OTC: variants seen among roughly 807,000 people sequenced by gnomAD.
OTC encodes ornithine transcarbamylase.
OTC carries 3 observed loss-of-function variants against 30.3 expected under a neutral mutation model. The observed-to-expected ratio is 0.10, with a 90% CI of 0.05 to 0.26. The LOEUF is 0.26. Among genes scored for constraint, OTC ranks in the 10% least tolerant of loss-of-function variants. The pLI, the probability that OTC is intolerant of heterozygous loss-of-function variation, is 1.00. For missense variants in OTC, 194 were observed against 260.3 expected, an observed-to-expected ratio of 0.75 and a Z score of 1.75; for synonymous variants, 111 against 99.7, an observed-to-expected ratio of 1.11 and a Z score of -0.67.
chrX:38,405,119 A>C (rs2068509568), intron 6 of OTC, among the ~76,000 whole-genome samples: 1 of 111,165 alleles, frequency 9.0e-6, no homozygotes, highest in Non-Finnish European at 1.9e-5. Flanking sequence ...GGAAGGGAGC[A>C]GAAGCCATGA....
intron 2 of OTC, among the ~76,000 whole-genome samples, chrX:38,368,963 A>T (rs2068310508): frequency 9.3e-6 from 1 of 108,074 alleles, no homozygotes; most frequent in Non-Finnish European, 1.9e-5. Context: ...CCACATTCAG[A>T]CTCTCCAGAT....
Position 38,411,884 on chromosome X carries a change from A to G in OTC, c.890A>G (p.Asp297Gly). Residue 297 changes from aspartate to glycine, a missense_variant, in exon 9 of 10, where the codon GAC becomes GGC. Transcript: ENST00000039007. ...TAGACTGCTAAAGTTGCTGCCTCTGACTGGACATTTTTACACTGCTTGCCC... is the reference window on the plus strand; with the variant it reads ...TAGACTGCTAAAGTTGCTGCCTCTGGCTGGACATTTTTACACTGCTTGCCC... ...TMKTAKVAAS[D>G]WTFLHCLPRK... 2 of 1,211,275 alleles carry G rather than the reference A, an allele frequency of 1.7e-6. No individual in the cohort carries two copies. Among genetic ancestry groups the G allele is most frequent in the South Asian group, 1.8e-5 (1 of 57,001 alleles).
chrX:38,352,007 C>T (rs968558297), upstream of OTC, among the ~76,000 whole-genome samples: 20 of 111,966 alleles, frequency 1.8e-4, no homozygotes, highest in Middle Eastern at 9.2e-3. Context: ...GTGATCCGCC[C>T]GCCTCAGCCT....
At chrX:38,416,223 C>T (rs919355639) in intron 9 of OTC, among the ~76,000 whole-genome samples, 1 of 111,805 alleles carries the variant, frequency 8.9e-6, no homozygotes, top group African/African-American at 3.3e-5. Context: ...TTTCAGCACT[C>T]AGAGTAGCTT....
intron 3 of OTC, among the ~76,000 whole-genome samples, chrX:38,372,189 T>C (rs925934577): frequency 3.6e-5 from 4 of 111,806 alleles, no homozygotes; most frequent in African/African-American, 1.3e-4. Context: ...AATCTATTAA[T>C]AAAAATGAGA....
chrX:38,353,704 A>G (rs2068228308), intron 1 of OTC, among the ~76,000 whole-genome samples: 1 of 111,551 alleles, frequency 9.0e-6, no homozygotes, highest in Admixed American at 9.6e-5. Context: ...TTTAGTGAAT[A>G]TAAGGCTCTC....
chrX:38,393,988 TCTTA>T (rs1312672610), intron 4 of OTC, among the ~76,000 whole-genome samples: 2 of 111,542 alleles, frequency 1.8e-5, no homozygotes, highest in African/African-American at 6.5e-5. Context: ...CCTGCCTCTC[TCTTA>T]TTCTCTAGTG....
chrX:38,394,804 C>A (rs762311850), intron 4 of OTC, among the ~76,000 whole-genome samples: 28 of 110,695 alleles, frequency 2.5e-4, no homozygotes, highest in Non-Finnish European at 2.6e-4. Flanking sequence ...GTTAATAAGA[C>A]CTTGGTAGAG....
chrX:38,342,320 C>A, the OTC span, among the ~76,000 whole-genome samples: 1 of 111,000 alleles, frequency 9.0e-6, no homozygotes, highest in Non-Finnish European at 1.9e-5. Flanking sequence ...GCCTGAATTT[C>A]ACTTTTAATA....
intron 1 of OTC, among the ~76,000 whole-genome samples, chrX:38,356,102 G>A (rs1458454983): frequency 1.9e-5 from 2 of 104,246 alleles, no homozygotes; most frequent in African/African-American, 7.1e-5. Flanking sequence ...AACCATACAA[G>A]AGATGGGACC....
intron 2 of OTC, among the ~76,000 whole-genome samples, chrX:38,369,190 TAAG>T: frequency 9.0e-6 from 1 of 111,342 alleles, no homozygotes; most frequent in African/African-American, 3.3e-5. Context: ...TAGAGTTAAG[TAAG>T]AAGGTGGTTC....
downstream of OTC, among the ~76,000 whole-genome samples, chrX:38,422,925 C>G (rs1051571882): frequency 8.9e-6 from 1 of 111,884 alleles, no homozygotes; most frequent in Admixed American, 9.5e-5. Flanking sequence ...ATCCTGTCAC[C>G]TAATATAACT....
chrX:38,336,163 C>T, the OTC span, among the ~76,000 whole-genome samples: 1 of 110,957 alleles, frequency 9.0e-6, no homozygotes. Context: ...CAGCATTAGA[C>T]CTGTTACTAT....
intron 4 of OTC, among the ~76,000 whole-genome samples, chrX:38,393,713 A>T (rs190864931): frequency 4.4e-5 from 5 of 112,554 alleles, no homozygotes; most frequent in Non-Finnish European, 3.8e-5. Context: ...TTGTCATGGA[A>T]TCTATATTGT....
At chrX:38,369,353 C>CTT (rs113753372) in intron 2 of OTC, among the ~76,000 whole-genome samples, 2 of 103,513 alleles carry the variant, frequency 1.9e-5, no homozygotes, top group Non-Finnish European at 4.0e-5. Context: ...TTTAAATTCA[C>CTT]TTTTTTTTTT....
intron 2 of OTC, among the ~76,000 whole-genome samples, chrX:38,369,184 G>A (rs751439863): frequency 6.3e-5 from 7 of 111,257 alleles, no homozygotes; most frequent in Admixed American, 2.9e-4. Context: ...TTTCAATAGA[G>A]TTAAGTAAGA....
In OTC at chrX:38,352,758, T is replaced by C. The variant is rs749285675; in HGVS notation, c.62T>C (p.Met21Thr). The change falls in exon 1 of 10, where the codon ATG (methionine) becomes ACG (threonine). Residue 21 changes from methionine to threonine, a missense_variant. Physicochemically the swap from Met to Thr is moderately conservative, Grantham distance 81. Coordinates refer to ENST00000039007, the MANE Select transcript of OTC (RefSeq NM_000531.6). ...NAAFRNGHNF[M>T]VRNFRCGQPL... ...GCTTTTAGAAATGGTCACAACTTCA[T>C]GGTTCGAAATTTTCGGTAAGTGATG... The C allele has an allele frequency of 3.3e-6, 4 of 1,203,360 alleles. No homozygotes were observed. The Admixed American group carries it at 8.7e-5, about 26-fold the overall frequency.
At chrX:38,346,864 TGTG>T in the OTC span, among the ~76,000 whole-genome samples, 1 of 112,330 alleles carries the variant, frequency 8.9e-6, no homozygotes, top group Non-Finnish European at 1.9e-5. Context: ...GTATTCTGAT[TGTG>T]GTGGTGGTTA....
At chrX:38,422,451 G>T (rs1374323988), downstream of OTC, among the ~76,000 whole-genome samples, 2 of 111,822 alleles carry the variant, frequency 1.8e-5, no homozygotes, top group East Asian at 5.6e-4. Flanking sequence ...ATTGTGGAAG[G>T]CTCACCCTCA....
Sources: gnomAD v4.1 joint callset for allele counts (sites outside exome capture counted in the v4.1 genomes callset) on GRCh38, gnomAD v4.1.1 for gene constraint, MANE v1.5 for transcripts, NCBI Gene and HGNC (gene_info 2026-07-23, HGNC 2026-07-21) for gene names.